Variants in CELF2 observed in about 807,000 individuals in gnomAD.
The protein encoded by CELF2 is CUG triplet repeat RNA-binding protein 2.
Under a neutral mutation model 62.6 loss-of-function variants are expected in CELF2, and 8 were observed. The ratio of observed to expected loss-of-function variants is 0.13; its 90% CI spans 0.07 to 0.23. CELF2 has a LOEUF of 0.23. CELF2 is among the 10% of genes least tolerant of loss of function. The pLI, the probability that CELF2 is intolerant of heterozygous loss-of-function variation, is 1.00. For synonymous variants in CELF2, 258 were observed against 250.0 expected (o/e 1.03, Z -0.30); for missense variants, 333 against 671.0 (o/e 0.50, Z 5.56).
chr10:10,775,613 CAAA>C, the CELF2 span, among the ~76,000 whole-genome samples: 284 of 136,644 alleles, frequency 2.1e-3, 1 homozygote, highest in African/African-American at 6.6e-3. Flanking sequence ...GACTCTGTCT[CAAA>C]AAAAAAAAAA....
At chr10:11,198,942 A>G (rs908331759) in intron 2 of CELF2, among the ~76,000 whole-genome samples, 1 of 152,214 alleles carries the variant, frequency 6.6e-6, no homozygotes, top group Non-Finnish European at 1.5e-5. Flanking sequence ...TAAGTAGAAC[A>G]TGAGCTTTCC....
the CELF2 span, among the ~76,000 whole-genome samples, chr10:10,541,455 G>T: frequency 2.0e-5 from 3 of 152,152 alleles, no homozygotes; most frequent in Admixed American, 2.0e-4. Flanking sequence ...TCCATAGGTA[G>T]AGCAGCCCCA....
At chr10:10,907,571 G>A (rs904637911) in intron 1 of CELF2, among the ~76,000 whole-genome samples, 3 of 152,190 alleles carry the variant, frequency 2.0e-5, no homozygotes, top group African/African-American at 7.2e-5. Flanking sequence ...ATGAGATGAG[G>A]TATCATTTTA....
intron 1 of CELF2, among the ~76,000 whole-genome samples, chr10:11,077,586 T>C (rs2072459524): frequency 1.3e-5 from 2 of 152,188 alleles, no homozygotes; most frequent in Non-Finnish European, 2.9e-5. Context: ...CTCTGAGCCT[T>C]GTAAAAAAAT....
intron 2 of CELF2, among the ~76,000 whole-genome samples, chr10:10,950,078 T>TC (rs1429894564): frequency 1.3e-5 from 2 of 152,178 alleles, no homozygotes; most frequent in African/African-American, 4.8e-5. Context: ...CTCCCCTGAT[T>TC]CCTGAGTTTA....
At chr10:10,791,581 C>T in the CELF2 span, among the ~76,000 whole-genome samples, 1 of 151,928 alleles carries the variant, frequency 6.6e-6, no homozygotes, top group Non-Finnish European at 1.5e-5. Context: ...TTCTTTTCAT[C>T]AATAGTGTAA....
the CELF2 span, among the ~76,000 whole-genome samples, chr10:10,475,284 A>G: frequency 2.0e-5 from 3 of 151,972 alleles, no homozygotes; most frequent in Non-Finnish European, 4.4e-5. Flanking sequence ...TCTCAGTAGC[A>G]TTTCAGTGGG....
intron 1 of CELF2, among the ~76,000 whole-genome samples, chr10:11,054,493 G>C (rs944779938): frequency 7.9e-6 from 1 of 126,754 alleles, no homozygotes; most frequent in East Asian, 2.0e-4. Flanking sequence ...GTGTGTTTGT[G>C]TGTGTGTGTG....
Position 11,266,682 on chromosome 10 carries a change from T to C in CELF2, c.618+5T>C. The C allele has an allele frequency of 1.2e-6, 2 of 1,610,776 alleles. No individual in the cohort carries two copies. Among genetic ancestry groups the C allele is most frequent in the East Asian group, 2.2e-5 (1 of 44,836 alleles). On this transcript the variant is annotated splice_donor_5th_base_variant and intron_variant, in intron 6 of 12. Transcript: ENST00000633077. ...CATCAGTCTCAGACCATGGAGGTACTGTATCATCTGCCCTTTCTTTGTTTT... is the reference window on the plus strand; with the variant it reads ...CATCAGTCTCAGACCATGGAGGTACCGTATCATCTGCCCTTTCTTTGTTTT...
At chr10:11,030,368 A>G (rs907904760) in intron 1 of CELF2, 6 of 152,366 alleles carry the variant, frequency 3.9e-5, no homozygotes, top group Middle Eastern at 3.4e-3. Context: ...AAACTCGAAA[A>G]TGTACCTCTG....
At chr10:10,699,766 A>G in the CELF2 span, among the ~76,000 whole-genome samples, 1 of 152,192 alleles carries the variant, frequency 6.6e-6, no homozygotes, top group Admixed American at 6.5e-5. Flanking sequence ...CATTGTAAAG[A>G]TTTTGGTCTT....
At chr10:11,199,294 A>G (rs2058687537) in intron 2 of CELF2, among the ~76,000 whole-genome samples, 1 of 152,134 alleles carries the variant, frequency 6.6e-6, no homozygotes, top group Non-Finnish European at 1.5e-5. Flanking sequence ...GTTGCTGGTT[A>G]TCTCTTAGGC....
chr10:10,693,448 C>T, the CELF2 span, among the ~76,000 whole-genome samples: 1 of 151,386 alleles, frequency 6.6e-6, no homozygotes, highest in African/African-American at 2.4e-5. Flanking sequence ...CAATGTTCAT[C>T]AAGGATATTG....
intron 1 of CELF2, among the ~76,000 whole-genome samples, chr10:10,834,148 T>A (rs1288323678): frequency 6.6e-6 from 1 of 152,196 alleles, no homozygotes; most frequent in Non-Finnish European, 1.5e-5. Context: ...AACGAGATGG[T>A]GTCCTTTGCA....
intron 1 of CELF2, among the ~76,000 whole-genome samples, chr10:10,854,678 A>G (rs375443524): frequency 5.3e-5 from 8 of 152,056 alleles, no homozygotes; most frequent in South Asian, 4.1e-4. Context: ...CAGCAAAACT[A>G]TAAGCTCCCT....
At chr10:10,803,411 T>C (rs977735979) in intron 1 of CELF2, among the ~76,000 whole-genome samples, 1 of 152,242 alleles carries the variant, frequency 6.6e-6, no homozygotes, top group Non-Finnish European at 1.5e-5. Flanking sequence ...TTCTCAGTTA[T>C]GCAGCCAGGC....
intron 2 of CELF2, among the ~76,000 whole-genome samples, chr10:10,930,673 C>T (rs990133516): frequency 2.6e-5 from 4 of 152,146 alleles, no homozygotes; most frequent in Non-Finnish European, 5.9e-5. Context: ...ACGTAAGATA[C>T]AATTTTGCAG....
chr10:10,614,079 A>G, the CELF2 span, among the ~76,000 whole-genome samples: 3 of 152,146 alleles, frequency 2.0e-5, no homozygotes, highest in Non-Finnish European at 1.5e-5. Flanking sequence ...CTAGTGGAGA[A>G]TTCATGAGAG....
the CELF2 span, among the ~76,000 whole-genome samples, chr10:10,523,476 T>C: frequency 6.6e-6 from 1 of 152,238 alleles, no homozygotes; most frequent in Non-Finnish European, 1.5e-5. Context: ...ACTATAGTGC[T>C]GTATACATTT....
Sources: allele counts gnomAD v4.1 joint callset (sites outside exome capture counted in the v4.1 genomes callset), GRCh38; gene constraint gnomAD v4.1.1; transcripts MANE v1.5; gene names NCBI Gene and HGNC (gene_info 2026-07-23, HGNC 2026-07-21).